RAPGEF4: variants seen among roughly 807,000 people sequenced by gnomAD.
RAPGEF4 encodes Rap guanine nucleotide exchange factor 4.
A neutral mutation model predicts 147.9 loss-of-function variants in RAPGEF4; 66 were observed. The ratio of observed to expected loss-of-function variants is 0.45; its 90% confidence interval spans 0.37 to 0.55. The LOEUF (loss-of-function observed/expected upper bound fraction) is 0.55, where lower values mean the gene tolerates loss of function less well. RAPGEF4 is among the 20% of genes least tolerant of loss of function. RAPGEF4 has a pLI of 0.00. For missense variants in RAPGEF4, 1,071 were observed against 1,257.3 expected (o/e 0.85, Z 2.24); for synonymous variants, 419 against 442.7 (o/e 0.95, Z 0.67).
intron 4 of RAPGEF4, among the ~76,000 whole-genome samples, chr2:172,884,266 C>T (rs1696938360): frequency 6.6e-6 from 1 of 152,228 alleles, no homozygotes; most frequent in African/African-American, 2.4e-5. Flanking sequence ...CCTTCAGATA[C>T]AAGTCCTTAA....
intron 6 of RAPGEF4, among the ~76,000 whole-genome samples, chr2:172,935,573 A>G (rs565458675): frequency 6.6e-6 from 1 of 152,348 alleles, no homozygotes; most frequent in South Asian, 2.1e-4. Context: ...AATACAATCA[A>G]TATCTCATTT....
intron 12 of RAPGEF4, among the ~76,000 whole-genome samples, chr2:172,986,630 AAT>A (rs1692275918): frequency 6.6e-6 from 1 of 152,172 alleles, no homozygotes; most frequent in Admixed American, 6.5e-5. Flanking sequence ...TTAAACAAAA[AAT>A]AGAGTATATT....
At chr2:172,995,112 A>G (rs1471386706) in intron 15 of RAPGEF4, among the ~76,000 whole-genome samples, 1 of 86,186 alleles carries the variant, frequency 1.2e-5, no homozygotes, top group Non-Finnish European at 3.3e-5. Flanking sequence ...AGATTTAACA[A>G]TATGTTAAGA....
rs115084312 is a variant in RAPGEF4, at chr2:172,968,060, A to G, written c.1004+616A>G. Among the ~76,000 whole-genome samples the G allele has an allele frequency of 5.0e-3, 764 of 152,272 alleles. 7 individuals carry two copies. The highest frequency in any genetic ancestry group is 0.017 in the African/African-American group (705 of 41,548). ...GCAATTGTGGACTCTGAAATGTTTA[A>G]TCAGATCCACTCAGAAAGAATGTAT... is the stretch of plus-strand genomic sequence containing the variant. On this transcript the variant is annotated intron_variant, in intron 10 of 30. Transcript: ENST00000397081.
At chr2:172,813,025 G>C (rs186042153) in intron 3 of RAPGEF4, among the ~76,000 whole-genome samples, 1 of 152,250 alleles carries the variant, frequency 6.6e-6, no homozygotes, top group Admixed American at 6.5e-5. Context: ...CTTCTTCCCT[G>C]ATCTTTTATT....
rs951916214 is a variant in RAPGEF4, at chr2:172,840,061, A to G, written c.444+25636A>G. 3.9e-5 allele frequency among the ~76,000 whole-genome samples: 6 copies of G among 152,300 alleles called. No individual in the cohort carries two copies. The East Asian group carries it at 9.6e-4, about 24-fold the overall frequency. The stretch of plus-strand genomic sequence containing the variant: ...TGTCTTGTGTTTCATCTCTAATTCA[A>G]AGCTTTTATAAAATCTTACTTCCTC... On this transcript the variant is annotated intron_variant, in intron 4 of 30. Coordinates refer to ENST00000397081, the MANE Select transcript of RAPGEF4 (RefSeq NM_007023.4).
chr2:172,971,131 T>A (rs1191463494), intron 10 of RAPGEF4, among the ~76,000 whole-genome samples: 1 of 152,214 alleles, frequency 6.6e-6, no homozygotes, highest in Non-Finnish European at 1.5e-5. Context: ...GCAGGTACTT[T>A]GGTTAGAGAA....
At chr2:173,017,119 G>A in intron 19 of RAPGEF4, 55 bp from the exon 20 acceptor site, 1 of 1,524,254 alleles carries the variant, frequency 6.6e-7, no homozygotes, top group Non-Finnish European at 9.1e-7. Context: ...ATACAAATAA[G>A]GCAATTTAAT....
At chr2:172,867,521 A>C (rs1694784259) in intron 4 of RAPGEF4, among the ~76,000 whole-genome samples, 1 of 152,178 alleles carries the variant, frequency 6.6e-6, no homozygotes, top group Non-Finnish European at 1.5e-5. Context: ...CTTGAACATG[A>C]AGGTCCAAGA....
At chr2:172,942,051 C>A (rs546718282) in intron 6 of RAPGEF4, among the ~76,000 whole-genome samples, 1 of 151,480 alleles carries the variant, frequency 6.6e-6, no homozygotes, top group South Asian at 2.1e-4. Context: ...CAGATATTTA[C>A]GGAGTATGAT....
chr2:172,940,767 T>C (rs1687066131), intron 6 of RAPGEF4, among the ~76,000 whole-genome samples: 1 of 152,192 alleles, frequency 6.6e-6, no homozygotes, highest in Non-Finnish European at 1.5e-5. Context: ...ACAGAATAGA[T>C]TCCTGGGATT....
At chr2:172,808,850 C>G (rs1687747464) in intron 3 of RAPGEF4, among the ~76,000 whole-genome samples, 2 of 152,306 alleles carry the variant, frequency 1.3e-5, no homozygotes, top group South Asian at 4.1e-4. Context: ...GGGGATTTTC[C>G]CTGCTGAGCA....
rs962866611 is a variant in RAPGEF4 at position 173,009,619 on chromosome 2, C to T, written c.1659-4845C>T. Among the ~76,000 whole-genome samples the T allele has an allele frequency of 9.9e-5, 15 of 152,154 alleles. No homozygotes were observed. The East Asian group carries it at 2.9e-3, about 29-fold the overall frequency. On this transcript the variant is annotated intron_variant, in intron 17 of 30. Coordinates refer to ENST00000397081, the MANE Select transcript of RAPGEF4 (RefSeq NM_007023.4). ...AAAAATCTGAAATCCAAAACCACTT[C>T]TGGTCCCAAGCCTTTGGGAAAAGAG...
intron 6 of RAPGEF4, among the ~76,000 whole-genome samples, chr2:172,930,987 A>G (rs1019449019): frequency 7.2e-5 from 11 of 152,124 alleles, no homozygotes; most frequent in Admixed American, 4.6e-4. Flanking sequence ...ACGGGGTTCA[A>G]TACTCATTCA....
rs562515434 is a variant in RAPGEF4, at chr2:172,809,710, T to G, written c.298-4569T>G. 3.4e-4 allele frequency among the ~76,000 whole-genome samples: 52 copies of G among 152,126 alleles called. 2 individuals are homozygous for G. The highest frequency in any genetic ancestry group is 2.7e-3 in the South Asian group (13 of 4,816). ...TATGCCTGGCTAATTTTTAATTTAT[T>G]TTTTAGAGATGGGGGTCTCACTATG... On this transcript the variant is annotated intron_variant, in intron 3 of 30. Transcript: ENST00000397081.
At chr2:172,776,238 T>C (rs1684148124) in intron 1 of RAPGEF4, among the ~76,000 whole-genome samples, 1 of 152,158 alleles carries the variant, frequency 6.6e-6, no homozygotes, top group Admixed American at 6.5e-5. Flanking sequence ...GTTAAGCAAC[T>C]TGTTCAGGGT....
At chr2:172,881,728 G>T (rs917959902) in intron 4 of RAPGEF4, among the ~76,000 whole-genome samples, 1 of 152,228 alleles carries the variant, frequency 6.6e-6, no homozygotes, top group African/African-American at 2.4e-5. Flanking sequence ...ACATTTTGTT[G>T]TTAGAAATGG....
At chr2:172,967,774 GC>G (rs1004626558) in intron 10 of RAPGEF4, among the ~76,000 whole-genome samples, 5 of 152,206 alleles carry the variant, frequency 3.3e-5, no homozygotes, top group African/African-American at 9.7e-5. Context: ...GCCTGTGGCA[GC>G]ACCTTTCTCC....
intron 1 of RAPGEF4, among the ~76,000 whole-genome samples, chr2:172,787,645 G>A (rs1012904692): frequency 4.2e-5 from 4 of 95,762 alleles, no homozygotes; most frequent in African/African-American, 1.1e-4. Flanking sequence ...ATTGAGACAG[G>A]GCTTCACTTT....
Sources: gnomAD v4.1 joint callset for allele counts (sites outside exome capture counted in the v4.1 genomes callset) on GRCh38, gnomAD v4.1.1 for gene constraint, MANE v1.5 for transcripts, NCBI Gene and HGNC (gene_info 2026-07-23, HGNC 2026-07-21) for gene names.